FUCA1: variants seen among roughly 807,000 people sequenced by gnomAD.
The protein encoded by FUCA1 is tissue alpha-L-fucosidase.
Under a neutral mutation model 56.8 loss-of-function variants are expected in FUCA1, and 52 were observed. The ratio of observed to expected loss-of-function variants is 0.92; its 90% CI spans 0.73 to 1.15. The LOEUF (loss-of-function observed/expected upper bound fraction) is 1.15. FUCA1 is among the 50% of genes most tolerant of loss of function. The probability of loss-of-function intolerance (pLI) is 0.00; values close to 1 mark genes in which losing one functional copy is unlikely to be tolerated. For missense variants in FUCA1, 568 were observed against 592.6 expected (o/e 0.96, Z 0.43); for synonymous variants, 230 against 226.6 (o/e 1.02, Z -0.14).
At chr1:23,861,394 A>G (rs930211361) in intron 3 of FUCA1, among the ~76,000 whole-genome samples, 1 of 151,734 alleles carries the variant, frequency 6.6e-6, no homozygotes, top group African/African-American at 2.4e-5. Flanking sequence ...TATGTAATTA[A>G]CCTGCACATT....
intron 5 of FUCA1, among the ~76,000 whole-genome samples, chr1:23,853,226 A>G (rs1639309051): frequency 6.9e-6 from 1 of 144,034 alleles, no homozygotes. Context: ...GAAGTGAGGA[A>G]ACCCTCCGCC....
chr1:23,860,054 T>C (rs1639475525), intron 3 of FUCA1, 151 bp from the exon 4 acceptor site: 2 of 632,356 alleles, frequency 3.2e-6, no homozygotes, highest in Non-Finnish European at 5.7e-6. Context: ...CAATGCACTA[T>C]AGTCTCGAAT....
intron 3 of FUCA1, among the ~76,000 whole-genome samples, chr1:23,860,601 A>C (rs994090441): frequency 8.2e-5 from 12 of 146,994 alleles, no homozygotes; most frequent in African/African-American, 2.1e-4. Context: ...AAAAAAAAAA[A>C]CACACAGCAT....
rs1639640559 is a variant in FUCA1, at chr1:23,867,109, C to T, written c.389+789G>A. Among the ~76,000 whole-genome samples the T allele has an allele frequency of 6.6e-6, 1 of 152,198 alleles. No homozygotes were observed. Among genetic ancestry groups the T allele is most frequent in the Non-Finnish European group, 1.5e-5 (1 of 68,038 alleles). On this transcript the variant is annotated intron_variant, in intron 1 of 7. Coordinates refer to ENST00000374479, the MANE Select transcript of FUCA1 (RefSeq NM_000147.5). This position sits in a 1 kb window ranked among gnomAD's most constrained non-coding sequence, Gnocchi z 4.9. ...ATTTTTACTCTTCTCCAACCCACTT[C>T]TCTCCCAGCAGCCGAATGAATCTTT...
At chr1:23,853,228 C>T (rs1487827947) in intron 5 of FUCA1, among the ~76,000 whole-genome samples, 1 of 150,144 alleles carries the variant, frequency 6.7e-6, no homozygotes, top group South Asian at 2.1e-4. Context: ...AGTGAGGAAA[C>T]CCTCCGCCTG....
At chr1:23,850,640 C>A (rs573526450) in intron 5 of FUCA1, among the ~76,000 whole-genome samples, 2 of 152,038 alleles carry the variant, frequency 1.3e-5, no homozygotes, top group East Asian at 3.9e-4. Context: ...TGTGCCACCA[C>A]GCCCAGCTAA....
At position 23,867,491 on chromosome 1, in the gene FUCA1, C is replaced by T. The variant is rs1639648648; in HGVS notation, c.389+407G>A. 6.6e-6 allele frequency among the ~76,000 whole-genome samples: 1 copy of T among 152,180 alleles called. No homozygotes were observed. Among genetic ancestry groups the T allele is most frequent in the African/African-American group, 2.4e-5 (1 of 41,434 alleles). On this transcript the variant is annotated intron_variant, in intron 1 of 7. Transcript: ENST00000374479. The surrounding 1 kb of genome is among the most constrained non-coding windows in gnomAD (Gnocchi z 4.9). ...ATCCTTATATAACCCCTTTCTACAA[C>T]CATAGAAGAGGCTGCAGGGAGGCTG... is the stretch of plus-strand genomic sequence containing the variant.
At chr1:23,866,116 A>C (rs1354117262) in intron 1 of FUCA1, among the ~76,000 whole-genome samples, 1 of 152,208 alleles carries the variant, frequency 6.6e-6, no homozygotes, top group Admixed American at 6.5e-5. Flanking sequence ...GTTCAAGACC[A>C]ACCTGGCCAA....
intron 5 of FUCA1, among the ~76,000 whole-genome samples, chr1:23,849,572 G>GTTTT (rs1553135943): frequency 2.3e-5 from 3 of 130,042 alleles, no homozygotes; most frequent in Admixed American, 8.0e-5. Flanking sequence ...AAAGAGATAC[G>GTTTT]TTCTTTTTTT....
intron 2 of FUCA1, among the ~76,000 whole-genome samples, chr1:23,864,087 C>CTTT (rs765991884): frequency 0.087 from 11,419 of 130,880 alleles, 631 homozygotes; most frequent in East Asian, 0.18. Flanking sequence ...TCTTTTTTTC[C>CTTT]TTTTTTTTTT....
At chr1:23,862,816 C>G (rs1557514351) in intron 3 of FUCA1, among the ~76,000 whole-genome samples, 1 of 152,094 alleles carries the variant, frequency 6.6e-6, no homozygotes, top group Non-Finnish European at 1.5e-5. Flanking sequence ...ACAAATCTGC[C>G]CGATGCCAAA....
intron 2 of FUCA1, among the ~76,000 whole-genome samples, chr1:23,864,444 A>G (rs537280673): frequency 6.6e-6 from 1 of 152,174 alleles, no homozygotes; most frequent in Non-Finnish European, 1.5e-5. Flanking sequence ...CTATTTTCAT[A>G]TTTAATAAAG....
At chr1:23,853,512 A>T (rs1348848955) in intron 5 of FUCA1, among the ~76,000 whole-genome samples, 2 of 142,872 alleles carry the variant, frequency 1.4e-5, no homozygotes, top group South Asian at 2.3e-4. Context: ...GGCCGCCCCT[A>T]CTGGGAAGTG....
In FUCA1 at chr1:23,867,843, C is replaced by T; in HGVS notation, c.389+55G>A. 6 of 1,513,496 alleles carry T rather than the reference C, an allele frequency of 4.0e-6. No individual in the cohort carries two copies. Among genetic ancestry groups the T allele is most frequent in the Non-Finnish European group, 5.3e-6 (6 of 1,135,154 alleles). The allele number at this position is 1,513,496 out of a possible 1,614,324, so 93.8% of individuals were successfully genotyped here. ...GCCCCAGCTGGCCGCCCAGCCCCAC[C>T]TCCTGTTTGCCGCCCGAGCCGGGAA... On this transcript the variant is annotated intron_variant, in intron 1 of 7. Transcript: ENST00000374479. This position sits in a 1 kb window ranked among gnomAD's most constrained non-coding sequence, Gnocchi z 4.9.
At position 23,865,493 on chromosome 1, in the gene FUCA1, C is replaced by A. The variant is rs1352828947; in HGVS notation, c.522G>T (p.Lys174Asn). The A allele has an allele frequency of 5.0e-6, 8 of 1,614,124 alleles. No individual in the cohort carries two copies. The highest frequency in any genetic ancestry group is 6.8e-6 in the Non-Finnish European group (8 of 1,180,050). The change falls in exon 2 of 8, where the codon AAG becomes AAT. Residue 174 changes from lysine (K) to asparagine (N), a missense_variant and splice_region_variant. Lys to Asn is a moderately conservative substitution (Grantham distance 94, BLOSUM62 0). Transcript: ENST00000374479. ...LVGELGTALR[K>N]RNIRYGLYHS... ...AGTAACCATCCCTGGACACTCACCT[C>A]TTCCGGAGAGCTGTTCCCAATTCAC...
intron 6 of FUCA1, among the ~76,000 whole-genome samples, chr1:23,846,881 C>A (rs1187449474): frequency 6.6e-6 from 1 of 152,002 alleles, no homozygotes; most frequent in African/African-American, 2.4e-5. Flanking sequence ...TGTTTTGGGC[C>A]TAATTTCTTT....
chr1:23,848,486 C>G (rs1639186767), intron 6 of FUCA1, among the ~76,000 whole-genome samples, 163 bp downstream of exon 6: 1 of 152,160 alleles, frequency 6.6e-6, no homozygotes, highest in Non-Finnish European at 1.5e-5. Context: ...ACCAAGTAGC[C>G]TGAGACATAA....
chr1:23,865,195 G>A (rs1022632393), intron 2 of FUCA1, among the ~76,000 whole-genome samples: 4 of 152,092 alleles, frequency 2.6e-5, no homozygotes, highest in African/African-American at 7.2e-5. Flanking sequence ...AAGTAGCATC[G>A]TAGTCTATGT....
chr1:23,852,713 A>C (rs1639290523), intron 5 of FUCA1, among the ~76,000 whole-genome samples: 5 of 152,142 alleles, frequency 3.3e-5, no homozygotes, highest in Admixed American at 3.3e-4. Flanking sequence ...CCTAACTGCG[A>C]GTGATCCGCC....
Sources: gnomAD v4.1 joint callset for allele counts (sites outside exome capture counted in the v4.1 genomes callset) on GRCh38, gnomAD v4.1.1 for gene constraint, Gnocchi (gnomAD v3.1) non-coding constraint, MANE v1.5 for transcripts, NCBI Gene and HGNC (gene_info 2026-07-23, HGNC 2026-07-21) for gene names.